ZNF813: variants seen among roughly 807,000 people sequenced by gnomAD.
ZNF813 encodes zinc finger protein 813.
ZNF813 carries 3 observed loss-of-function variants against 7.2 expected under a neutral mutation model. That is an observed-to-expected ratio of 0.42 (90% CI 0.19 to 1.08). ZNF813 has a LOEUF of 1.08. ZNF813 is among the 50% of genes least tolerant of loss of function. The probability of loss-of-function intolerance (pLI) is 0.30; values close to 1 mark genes in which losing one functional copy is unlikely to be tolerated. For synonymous variants in ZNF813, 227 were observed against 256.3 expected, an observed-to-expected ratio of 0.89 and a Z score of 1.09; for missense variants, 714 against 753.3, an observed-to-expected ratio of 0.95 and a Z score of 0.61.
chr19:53,475,137 C>T (rs1282803841), intron 1 of ZNF813, among the ~76,000 whole-genome samples: 2 of 152,136 alleles, frequency 1.3e-5, no homozygotes, highest in Non-Finnish European at 2.9e-5. Context: ...GATAAAAGTC[C>T]TCTCTCTTTA....
chr19:53,476,218 G>C (rs2086381014), intron 1 of ZNF813, among the ~76,000 whole-genome samples: 1 of 152,130 alleles, frequency 6.6e-6, no homozygotes, highest in Non-Finnish European at 1.5e-5. Flanking sequence ...TGGGTTCCCC[G>C]ATAACAGTCC....
chr19:53,476,951 C>T (rs996664557), intron 1 of ZNF813, among the ~76,000 whole-genome samples: 2 of 152,090 alleles, frequency 1.3e-5, no homozygotes, highest in Admixed American at 6.5e-5. Flanking sequence ...CATAAGCCAC[C>T]GCGCCTGGCT....
At position 53,492,628 on chromosome 19, in the gene ZNF813, A is replaced by T; in HGVS notation, c.*542A>T. 1 of 739,880 alleles carries T rather than the reference A, an allele frequency of 1.4e-6. No individual in the cohort carries two copies. 45.8% of individuals were successfully genotyped at this position (739,880 alleles called of 1,614,324 possible). On this transcript the variant is annotated 3_prime_UTR_variant, in exon 4 of 4. Coordinates refer to ENST00000396403, the MANE Select transcript of ZNF813 (RefSeq NM_001004301.4). Reference sequence around the variant, plus strand: ...AATCCATGGTGAAGGAAACTTGACTAATGTAATGATTGTCACCAAGTCTTC... The same window carrying T: ...AATCCATGGTGAAGGAAACTTGACTTATGTAATGATTGTCACCAAGTCTTC...
rs150091613 is a variant in ZNF813, at chr19:53,496,092, G to A, written c.*4006G>A. 16 of 256,110 alleles carry A rather than the reference G, an allele frequency of 6.2e-5. No individual in the cohort carries two copies. Among genetic ancestry groups the A allele is most frequent in the East Asian group, 5.7e-4 (6 of 10,562 alleles). The allele number at this position is 256,110 out of a possible 1,614,324, so 15.9% of individuals were successfully genotyped here. A position where few individuals can be genotyped will look rare whatever the true frequency, so the allele number is the denominator to read the frequency against. ...TATGCTGTGTGAGCATTACAATCGC[G>A]TTACCATATCAAGCTGAAAATGTCA... On this transcript the variant is annotated 3_prime_UTR_variant, in exon 4 of 4. Transcript: ENST00000396403.
Position 53,490,401 on chromosome 19 carries a change from G to C in ZNF813, c.169G>C (p.Glu57Gln). 6.2e-6 allele frequency: 10 copies of C among 1,614,080 alleles called. No homozygotes were observed. Among genetic ancestry groups the C allele is most frequent in the Non-Finnish European group, 8.5e-6 (10 of 1,179,978 alleles). ...TATCTCTTCCAAATGCATGATGAAGGAGTTCTCATCAACAGCACAAGGCAA... is the reference window on the plus strand; with the variant it reads ...TATCTCTTCCAAATGCATGATGAAGCAGTTCTCATCAACAGCACAAGGCAA... The part of the protein sequence containing the change: ...LDISSKCMMK[E>Q]FSSTAQGNRE... The change falls in exon 4 of 4, where the codon GAG becomes CAG. Residue 57 changes from glutamate (E) to glutamine (Q), a missense_variant. Transcript: ENST00000396403.
intron 1 of ZNF813, among the ~76,000 whole-genome samples, chr19:53,472,313 C>T (rs554611342): frequency 1.3e-5 from 2 of 152,200 alleles, no homozygotes; most frequent in South Asian, 2.1e-4. Flanking sequence ...TTCTGGGTCC[C>T]AGGGGACAAG....
intron 3 of ZNF813, among the ~76,000 whole-genome samples, chr19:53,486,981 GTTTTTTTTTTTT>G (rs67693797): frequency 4.6e-5 from 4 of 86,072 alleles, no homozygotes; most frequent in Non-Finnish European, 7.4e-5. Flanking sequence ...TACTTTTTTA[GTTTTTTTTTTTT>G]TTTTTTTTTT....
chr19:53,476,169 AT>A, intron 1 of ZNF813, among the ~76,000 whole-genome samples: 1 of 152,038 alleles, frequency 6.6e-6, no homozygotes, highest in Admixed American at 6.6e-5. Context: ...CTTTTTTGAT[AT>A]TTTGTAACTT....
At position 53,490,996 on chromosome 19, in the gene ZNF813, A is replaced by G. The variant is rs1315685318; in HGVS notation, c.764A>G (p.Lys255Arg). ...GTATGTGGCAAGGTCTTTAATCGGAAGCGAAACCTAGTGTGCCATCGTAGA... is the reference window on the plus strand; with the variant it reads ...GTATGTGGCAAGGTCTTTAATCGGAGGCGAAACCTAGTGTGCCATCGTAGA... ...CDVCGKVFNRKRNLVCHRRCH... is the reference protein window; with the variant it reads ...CDVCGKVFNRRRNLVCHRRCH... The change falls in exon 4 of 4, where the codon AAG becomes AGG. Residue 255 changes from lysine (K) to arginine (R), a missense_variant. Lys to Arg is a conservative substitution (Grantham distance 26). Coordinates refer to ENST00000396403, the MANE Select transcript of ZNF813 (RefSeq NM_001004301.4). 1 of 1,614,064 alleles carries G rather than the reference A, an allele frequency of 6.2e-7. No homozygotes were observed. Among genetic ancestry groups the G allele is most frequent in the African/African-American group, 1.3e-5 (1 of 74,942 alleles).
In ZNF813 at chr19:53,480,318, A is replaced by G. The variant is rs987157729; in HGVS notation, c.-73-3432A>G. On this transcript the variant is annotated intron_variant, in intron 1 of 3. Transcript: ENST00000396403. ...TGAGAACCTTTGCAAACAACATTTA[A>G]GGGAATGTGAGCCCAATGCATGTCT... The G allele has an allele frequency of 1.0e-5, 7 of 673,990 alleles. No individual in the cohort carries two copies. In the African/African-American group the frequency reaches 1.2e-4, roughly 12 times the overall value. 41.8% of individuals were successfully genotyped at this position (673,990 alleles called of 1,614,324 possible).
intron 1 of ZNF813, among the ~76,000 whole-genome samples, chr19:53,468,409 AC>A (rs1441541352): frequency 2.0e-5 from 3 of 150,408 alleles, no homozygotes; most frequent in African/African-American, 7.3e-5. Context: ...AAGAAATAAG[AC>A]ACAAAGACAA....
In ZNF813 at chr19:53,490,941, C is replaced by T; in HGVS notation, c.709C>T (p.His237Tyr). ...SSLLRKHQII[H>Y]LGEKQYKCDV... ...ACTCTTAAGGAAACATCAAATAATCCATTTAGGAGAGAAACAATATAAATG... is the reference window on the plus strand; with the variant it reads ...ACTCTTAAGGAAACATCAAATAATCTATTTAGGAGAGAAACAATATAAATG... Residue 237 changes from histidine (H) to tyrosine (Y), a missense_variant, in exon 4 of 4, where the codon CAT (histidine) becomes TAT (tyrosine). By Grantham distance (83) the His-to-Tyr change is moderately conservative. Around this residue, in one of 3 missense-constraint regions of ZNF813, gnomAD observed 563 missense variants for 554.2 expected, o/e 1.02. Transcript: ENST00000396403. The T allele has an allele frequency of 6.2e-7, 1 of 1,614,048 alleles. No individual in the cohort carries two copies. Among genetic ancestry groups the T allele is most frequent in the Non-Finnish European group, 8.5e-7 (1 of 1,179,982 alleles).
intron 1 of ZNF813, among the ~76,000 whole-genome samples, chr19:53,478,314 C>T (rs1427110593): frequency 6.6e-6 from 1 of 152,048 alleles, no homozygotes; most frequent in African/African-American, 2.4e-5. Flanking sequence ...GGACCACAGG[C>T]GTGAGCCACC....
Position 53,490,606 on chromosome 19 carries a change from G to A in ZNF813, c.374G>A (p.Arg125Gln), listed in dbSNP as rs373328437. The A allele has an allele frequency of 1.1e-5, 17 of 1,614,050 alleles. No individual in the cohort carries two copies. In the African/African-American group the frequency reaches 1.2e-4, roughly 11 times the overall value. ...AAAAAGTTGACTGGTAGTGCAGACC[G>A]ATATGATCAAAGGCATGCTGGAAAC... is the stretch of plus-strand genomic sequence containing the variant. ...EIKKLTGSADRYDQRHAGNKP... is the reference protein window; with the variant it reads ...EIKKLTGSADQYDQRHAGNKP... The change falls in exon 4 of 4, where the codon CGA (arginine) becomes CAA (glutamine). Residue 125 changes from arginine (R) to glutamine (Q), a missense_variant. This residue lies in a region of ZNF813 where 563 missense variants were observed against 554.2 expected (regional missense o/e 1.02). Coordinates refer to ENST00000396403, the MANE Select transcript of ZNF813 (RefSeq NM_001004301.4).
chr19:53,492,025 A>T lies in ZNF813; in HGVS notation c.1793A>T (p.His598Leu), dbSNP rs774219010. ...CAAAAAGCAAACCTTGCACGTCATCATAGACTTCATACTGGAGAGAAACCT... is the reference window on the plus strand; with the variant it reads ...CAAAAAGCAAACCTTGCACGTCATCTTAGACTTCATACTGGAGAGAAACCT... ...FNQKANLARH[H>L]RLHTGEKPYK... Residue 598 changes from histidine to leucine, a missense_variant, in exon 4 of 4, where the codon CAT becomes CTT. Physicochemically the swap from His to Leu is moderately conservative, Grantham distance 99. This residue lies in a region of ZNF813 where 122 missense variants were observed against 146.8 expected (regional missense o/e 0.83). Coordinates refer to ENST00000396403, the MANE Select transcript of ZNF813 (RefSeq NM_001004301.4). The T allele has an allele frequency of 8.1e-6, 13 of 1,614,128 alleles. No individual in the cohort carries two copies. The highest frequency in any genetic ancestry group is 1.7e-6 in the Non-Finnish European group (2 of 1,180,002).
chr19:53,480,473 C>A (rs895159449), intron 1 of ZNF813, among the ~76,000 whole-genome samples: 5 of 151,618 alleles, frequency 3.3e-5, no homozygotes, highest in Middle Eastern at 3.4e-3. Flanking sequence ...TACCTGTTGA[C>A]CCCAGAATTT....
At chr19:53,477,499 C>A (rs1204406456) in intron 1 of ZNF813, among the ~76,000 whole-genome samples, 1 of 151,986 alleles carries the variant, frequency 6.6e-6, no homozygotes, top group Non-Finnish European at 1.5e-5. Flanking sequence ...TTTTCTTCTA[C>A]TTGAGTGTGA....
rs1038128625 is a variant in ZNF813 at position 53,490,525 on chromosome 19, A to C, written c.293A>C (p.Glu98Ala). Reference sequence around the variant, plus strand: ...ATTGATAAAGATATTCATAACTTAGAGTTTCAGTGGCAAGAAGATGAAAGA... The same window carrying C: ...ATTGATAAAGATATTCATAACTTAGCGTTTCAGTGGCAAGAAGATGAAAGA... ...QEIDKDIHNLEFQWQEDERNS... is the reference protein window; with the variant it reads ...QEIDKDIHNLAFQWQEDERNS... The change falls in exon 4 of 4, where the codon GAG becomes GCG. Residue 98 changes from glutamate to alanine, a missense_variant. By Grantham distance (107) the Glu-to-Ala change is moderately radical. Around this residue, in one of 3 missense-constraint regions of ZNF813, gnomAD observed 563 missense variants for 554.2 expected, o/e 1.02. Transcript: ENST00000396403. The C allele has an allele frequency of 1.9e-6, 3 of 1,614,064 alleles. No homozygotes were observed. Among genetic ancestry groups the C allele is most frequent in the Non-Finnish European group, 2.5e-6 (3 of 1,180,040 alleles).
chr19:53,491,760 C>T lies in ZNF813; in HGVS notation c.1528C>T (p.Leu510Phe), dbSNP rs1368393706. The change falls in exon 4 of 4, where the codon CTT (leucine) becomes TTT (phenylalanine). Residue 510 changes from leucine (L) to phenylalanine (F), a missense_variant. Leu to Phe is a conservative substitution (Grantham distance 22). Transcript: ENST00000396403. ...CAAGGGTTTTAATCGGAAAACACAC[C>T]TTGCATGTCATCATAGACTTCATAC... ...CGKGFNRKTH[L>F]ACHHRLHTGE... 8 of 1,572,492 alleles carry T rather than the reference C, an allele frequency of 5.1e-6. No homozygotes were observed. The East Asian group carries it at 1.8e-4, about 36-fold the overall frequency.
Sources: allele counts gnomAD v4.1 joint callset (sites outside exome capture counted in the v4.1 genomes callset), GRCh38; gene constraint gnomAD v4.1.1; regional missense constraint gnomAD v4.1.1; transcripts MANE v1.5; gene names NCBI Gene and HGNC (gene_info 2026-07-23, HGNC 2026-07-21).